The following GABBR2 variants were observed in gnomAD, a reference collection of about 807,000 sequenced individuals.
GABBR2 encodes gamma-aminobutyric acid type B receptor subunit 2, also known as G-protein coupled receptor 51.
A neutral mutation model predicts 105.6 loss-of-function variants in GABBR2; 23 were observed. The observed-to-expected ratio is 0.22, with a 90% CI of 0.16 to 0.31. GABBR2 has a LOEUF of 0.31. Ranked by LOEUF, GABBR2 falls within the 10% of genes least tolerant of loss-of-function variation. The pLI, the probability that GABBR2 is intolerant of heterozygous loss-of-function variation, is 1.00. For missense variants in GABBR2, 734 were observed against 1,245.5 expected (o/e 0.59, Z 6.18); for synonymous variants, 478 against 499.7 (o/e 0.96, Z 0.58).
intron 7 of GABBR2, among the ~76,000 whole-genome samples, chr9:98,447,223 G>A (rs1174528267): frequency 2.8e-5 from 4 of 141,040 alleles, no homozygotes; most frequent in South Asian, 2.6e-4. Flanking sequence ...CACTACGCCC[G>A]GCTAATTTTT....
At chr9:98,689,200 T>A (rs1830655715) in intron 1 of GABBR2, among the ~76,000 whole-genome samples, 1 of 152,182 alleles carries the variant, frequency 6.6e-6, no homozygotes, top group Non-Finnish European at 1.5e-5. Context: ...TGAGGTCCCT[T>A]TGGAAGCCAG....
chr9:98,431,833 T>C lies in GABBR2; in HGVS notation c.1236+22148A>G, dbSNP rs568116575. ...GCCTCAGCCTCCCAAGTAGCTGGGA[T>C]TACAGGCACCTGCCACCATGCCCAG... is the stretch of plus-strand genomic sequence containing the variant. On this transcript the variant is annotated intron_variant, in intron 7 of 18. Transcript: ENST00000259455. 2.0e-4 allele frequency among the ~76,000 whole-genome samples: 31 copies of C among 151,662 alleles called. 3 individuals carry two copies. The South Asian group carries it at 6.3e-3, about 31-fold the overall frequency.
rs141347984 is a variant in GABBR2, at chr9:98,390,791, A to G, written c.1379-1787T>C. Among the ~76,000 whole-genome samples the G allele has an allele frequency of 2.0e-3, 307 of 152,168 alleles. 3 individuals are homozygous for G. The highest frequency in any genetic ancestry group is 7.1e-3 in the African/African-American group (294 of 41,532). ...CCTTCTATGGACACTGAGAAAGAAGACTGAGGTTTGGTTCACAGGTGATAT... is the reference window on the plus strand; with the variant it reads ...CCTTCTATGGACACTGAGAAAGAAGGCTGAGGTTTGGTTCACAGGTGATAT... On this transcript the variant is annotated intron_variant, in intron 9 of 18. Transcript: ENST00000259455.
chr9:98,639,117 C>A (rs182466145), intron 1 of GABBR2, among the ~76,000 whole-genome samples: 2 of 152,336 alleles, frequency 1.3e-5, no homozygotes, highest in East Asian at 3.9e-4. Context: ...TTTCTCCATA[C>A]CCCTCACCCT....
chr9:98,481,473 C>A (rs143020446), intron 4 of GABBR2, among the ~76,000 whole-genome samples: 1 of 152,330 alleles, frequency 6.6e-6, no homozygotes, highest in East Asian at 1.9e-4. Flanking sequence ...ACTCTGCTGC[C>A]CTGCACAGTG....
chr9:98,447,991 T>C (rs1826165905), intron 7 of GABBR2, among the ~76,000 whole-genome samples: 3 of 152,150 alleles, frequency 2.0e-5, no homozygotes, highest in Admixed American at 2.0e-4. Flanking sequence ...CCATCTGCTG[T>C]TCTTCATCAC....
chr9:98,453,891 C>T (rs144795198), intron 7 of GABBR2, 90 bp downstream of exon 7: 5 of 863,804 alleles, frequency 5.8e-6, no homozygotes, highest in Non-Finnish European at 9.8e-6. Context: ...GATAACAGAT[C>T]ACATAACAGA....
At chr9:98,511,677 G>A (rs1461333509) in intron 3 of GABBR2, among the ~76,000 whole-genome samples, 3 of 152,054 alleles carry the variant, frequency 2.0e-5, no homozygotes, top group Admixed American at 1.3e-4. Context: ...TAAATACCTC[G>A]ACACATACAT....
At chr9:98,693,954 TGAG>T (rs1488400060) in intron 1 of GABBR2, among the ~76,000 whole-genome samples, 2 of 152,202 alleles carry the variant, frequency 1.3e-5, no homozygotes, top group Non-Finnish European at 2.9e-5. Context: ...GCTCTCCTTT[TGAG>T]GAGGAGGTAG....
At chr9:98,647,349 C>T (rs369759516) in intron 1 of GABBR2, among the ~76,000 whole-genome samples, 2 of 152,208 alleles carry the variant, frequency 1.3e-5, no homozygotes, top group Non-Finnish European at 2.9e-5. Context: ...ATTCTTTCTC[C>T]GACACTTCCT....
intron 2 of GABBR2, among the ~76,000 whole-genome samples, chr9:98,566,618 T>C (rs1828754272): frequency 6.6e-6 from 1 of 151,914 alleles, no homozygotes; most frequent in African/African-American, 2.4e-5. Context: ...GAGCTTGTAG[T>C]GAGCCGAGAT....
At chr9:98,305,894 C>T (rs756490841) in intron 15 of GABBR2, among the ~76,000 whole-genome samples, 1 of 152,142 alleles carries the variant, frequency 6.6e-6, no homozygotes, top group South Asian at 2.1e-4. Context: ...AAGAACACCC[C>T]AACAAAACAT....
At chr9:98,672,170 T>C (rs1830415463) in intron 1 of GABBR2, among the ~76,000 whole-genome samples, 1 of 152,222 alleles carries the variant, frequency 6.6e-6, no homozygotes, top group Non-Finnish European at 1.5e-5. Flanking sequence ...TTTTTGTCTT[T>C]GCAAAACTGA....
intron 1 of GABBR2, among the ~76,000 whole-genome samples, chr9:98,633,878 C>G (rs1199644227): frequency 1.3e-5 from 2 of 152,132 alleles, no homozygotes; most frequent in African/African-American, 2.4e-5. Flanking sequence ...TTTGTGTCCC[C>G]ACTCAGCTCA....
chr9:98,474,957 A>C (rs996743215), intron 5 of GABBR2, among the ~76,000 whole-genome samples: 3 of 152,096 alleles, frequency 2.0e-5, no homozygotes, highest in African/African-American at 7.2e-5. Context: ...ATGTGAGTTA[A>C]AAGATTTGTT....
intron 2 of GABBR2, chr9:98,555,599 G>A (rs1828570685): frequency 1.3e-5 from 2 of 152,188 alleles, no homozygotes; most frequent in African/African-American, 4.8e-5. Flanking sequence ...GTCTTTAGGG[G>A]TAAGAAGTGT....
intron 6 of GABBR2, among the ~76,000 whole-genome samples, chr9:98,461,187 T>C (rs1333949688): frequency 6.6e-6 from 1 of 151,256 alleles, no homozygotes; most frequent in East Asian, 1.9e-4. Context: ...AGCAGAAAAA[T>C]AGAAATGTGG....
At chr9:98,661,065 C>T (rs1480898485) in intron 1 of GABBR2, among the ~76,000 whole-genome samples, 1 of 152,132 alleles carries the variant, frequency 6.6e-6, no homozygotes, top group Non-Finnish European at 1.5e-5. Flanking sequence ...GCCATTACAC[C>T]CAGATAATTC....
intron 6 of GABBR2, among the ~76,000 whole-genome samples, chr9:98,457,218 G>A (rs894096901): frequency 6.6e-6 from 1 of 152,176 alleles, no homozygotes; most frequent in Admixed American, 6.5e-5. Context: ...GAGGGTTGGT[G>A]GTGTCCATTT....
Sources: gnomAD v4.1 joint callset for allele counts (sites outside exome capture counted in the v4.1 genomes callset) on GRCh38, gnomAD v4.1.1 for gene constraint, MANE v1.5 for transcripts, NCBI Gene and HGNC (gene_info 2026-07-23, HGNC 2026-07-21) for gene names.